PISD: variants seen among roughly 807,000 people sequenced by gnomAD.
PISD encodes the protein phosphatidylserine decarboxylase proenzyme, mitochondrial.
In PISD, 31 loss-of-function variants were observed where a neutral mutation model predicts 43.5. The observed-to-expected ratio is 0.71, with a 90% CI of 0.54 to 0.96. The LOEUF is 0.96. Among genes scored for constraint, PISD ranks in the 40% least tolerant of loss-of-function variants. The pLI is 0.00. For missense variants in PISD, 523 were observed against 548.4 expected (o/e 0.95, Z 0.46); for synonymous variants, 259 against 228.7 (o/e 1.13, Z -1.20).
chr22:31,644,863 G>T (rs1243553248), intron 3 of PISD, among the ~76,000 whole-genome samples: 1 of 152,136 alleles, frequency 6.6e-6, no homozygotes, highest in Non-Finnish European at 1.5e-5. Context: ...GGTGGCTCAC[G>T]CCTGTAATCC....
At chr22:31,651,999 A>AT (rs554269131) in intron 1 of PISD, among the ~76,000 whole-genome samples, 2 of 152,058 alleles carry the variant, frequency 1.3e-5, no homozygotes, top group Non-Finnish European at 2.9e-5. Flanking sequence ...GTCAATAAAC[A>AT]TTTTTTTCCT....
At chr22:31,646,571 A>G (rs1445043558) in intron 3 of PISD, among the ~76,000 whole-genome samples, 3 of 152,184 alleles carry the variant, frequency 2.0e-5, no homozygotes, top group Non-Finnish European at 4.4e-5. Context: ...AAACCTTTGA[A>G]GTGTGTGGGA....
At chr22:31,657,767 C>T (rs1483676329) in intron 1 of PISD, among the ~76,000 whole-genome samples, 1 of 151,792 alleles carries the variant, frequency 6.6e-6, no homozygotes, top group African/African-American at 2.4e-5. Context: ...GTGATCCACC[C>T]GCCTGGGCCT....
Position 31,621,126 on chromosome 22 carries a change from G to A in PISD, c.714C>T (p.Ser238=), listed in dbSNP as rs779953809. 2 of 1,614,192 alleles carry A rather than the reference G, an allele frequency of 1.2e-6. No homozygotes were observed. Among genetic ancestry groups the A allele is most frequent in the Non-Finnish European group, 1.7e-6 (2 of 1,180,034 alleles). ...CCCGGGTGACCAGCTGGTTCTTGAAGGAGTCACACGACGCGGCTGTGGAGT... is the reference window on the plus strand; with the variant it reads ...CCCGGGTGACCAGCTGGTTCTTGAAAGAGTCACACGACGCGGCTGTGGAGT... ...LPFPPAASCD[S]FKNQLVTREG... is the part of the protein sequence containing the mutation. Residue 238 remains serine, a synonymous_variant, in exon 6 of 8, where the codon TCC becomes TCT. Coordinates refer to ENST00000439502, the MANE Select transcript of PISD (RefSeq NM_001326411.2).
At chr22:31,635,093 G>A (rs927774527) in intron 3 of PISD, among the ~76,000 whole-genome samples, 1 of 152,088 alleles carries the variant, frequency 6.6e-6, no homozygotes, top group Non-Finnish European at 1.5e-5. Flanking sequence ...TTGAACCTGG[G>A]AGGTGGAGGT....
In PISD at chr22:31,621,456, C is replaced by A; in HGVS notation, c.575G>T (p.Gly192Val). The change falls in exon 5 of 8, where the codon GGA becomes GTA. Residue 192 changes from glycine (G) to valine (V), a missense_variant. Gly to Val is a moderately radical substitution (Grantham distance 109, BLOSUM62 -3). Transcript: ENST00000439502. The stretch of plus-strand genomic sequence containing the variant: ...CACCTGCCCAAAGTTGAGGATCCTT[C>A]CATCCGATGGGCTAATCTGGAAGGG... ...GLHSVISPSD[G>V]RILNFGQVKN... The A allele has an allele frequency of 6.2e-7, 1 of 1,614,130 alleles. No homozygotes were observed. Among genetic ancestry groups the A allele is most frequent in the Non-Finnish European group, 8.5e-7 (1 of 1,180,016 alleles).
At position 31,621,052 on chromosome 22, in the gene PISD, T is replaced by C. The variant is rs2072533919; in HGVS notation, c.788A>G (p.Tyr263Cys). Residue 263 changes from tyrosine to cysteine, a missense_variant, in exon 6 of 8, where the codon TAC becomes TGC. Physicochemically the swap from Tyr to Cys is radical, Grantham distance 194 (BLOSUM62 -2). Transcript: ENST00000439502. The stretch of plus-strand genomic sequence containing the variant: ...GTCGGTGGGGGAGTGGAAGCAGTGG[T>C]AGTCCCCAGGGGCCAGGTAGATGAC... Reference protein sequence around the residue: ...HCVIYLAPGDYHCFHSPTDWT... With the variant: ...HCVIYLAPGDCHCFHSPTDWT... 1 of 1,613,908 alleles carries C rather than the reference T, an allele frequency of 6.2e-7. No individual in the cohort carries two copies. The highest frequency in any genetic ancestry group is 1.3e-5 in the African/African-American group (1 of 75,040).
intron 2 of PISD, among the ~76,000 whole-genome samples, chr22:31,648,653 C>G (rs909064194): frequency 6.9e-6 from 1 of 145,048 alleles, no homozygotes. Context: ...GGTAACAGAG[C>G]GAGACTCCAT....
chr22:31,635,144 C>G (rs1042939920), intron 3 of PISD, among the ~76,000 whole-genome samples: 9 of 151,798 alleles, frequency 5.9e-5, no homozygotes, highest in Non-Finnish European at 8.8e-5. Flanking sequence ...CCAGTCTGGG[C>G]AACAAGAGTA....
At chr22:31,645,927 G>C (rs958704081) in intron 3 of PISD, among the ~76,000 whole-genome samples, 4 of 150,682 alleles carry the variant, frequency 2.7e-5, no homozygotes, top group East Asian at 1.9e-4. Flanking sequence ...TCAGACTTGG[G>C]TCACATCCCC....
chr22:31,646,412 C>T (rs2073889256), intron 3 of PISD, among the ~76,000 whole-genome samples: 1 of 152,138 alleles, frequency 6.6e-6, no homozygotes, highest in South Asian at 2.1e-4. Flanking sequence ...GTTAATCAAC[C>T]CTGTCCTCTT....
chr22:31,625,671 C>A, intron 3 of PISD: 1 of 1,494,458 alleles, frequency 6.7e-7, no homozygotes, highest in Non-Finnish European at 9.1e-7. Flanking sequence ...CTTGCCGCCA[C>A]CTCTACTGCG....
At chr22:31,629,016 TA>T in intron 3 of PISD, 2 of 985,344 alleles carry the variant, frequency 2.0e-6, no homozygotes, top group Non-Finnish European at 2.4e-6. Context: ...TAGGACCGTA[TA>T]GGGGGTAGGG....
chr22:31,630,739 G>A lies in PISD; in HGVS notation c.322-8854C>T, dbSNP rs535550795. The A allele has an allele frequency of 1.0e-6, 1 of 985,440 alleles. No homozygotes were observed. Among genetic ancestry groups the A allele is most frequent in the East Asian group, 1.1e-4 (1 of 8,790 alleles). The allele number at this position is 985,440 out of a possible 1,614,324, so 61.0% of individuals were successfully genotyped here. ...CTGGCCCTCTGAGCGGGCAGGGTGG[G>A]GCGCCTCCCTGAGAAGTCACCTGGG... On this transcript the variant is annotated intron_variant, in intron 3 of 7. Coordinates refer to ENST00000439502, the MANE Select transcript of PISD (RefSeq NM_001326411.2). This position sits in a 1 kb window ranked among gnomAD's most constrained non-coding sequence, Gnocchi z 4.4.
chr22:31,635,105 G>A (rs755065736), intron 3 of PISD, among the ~76,000 whole-genome samples: 4 of 152,114 alleles, frequency 2.6e-5, no homozygotes, highest in Non-Finnish European at 4.4e-5. Context: ...GGTGGAGGTT[G>A]CAATGAATTG....
At chr22:31,621,941 C>T in intron 3 of PISD, 56 bp from the exon 4 acceptor site, 1 of 1,323,996 alleles carries the variant, frequency 7.6e-7, no homozygotes, top group Non-Finnish European at 1.1e-6. Context: ...CTCCAGAGAG[C>T]CCAAGTAGTG....
At chr22:31,652,049 T>C (rs754814400) in intron 1 of PISD, among the ~76,000 whole-genome samples, 2 of 152,224 alleles carry the variant, frequency 1.3e-5, no homozygotes, top group Non-Finnish European at 1.5e-5. Flanking sequence ...CTATTATAAA[T>C]GTTTAAATTG....
At chr22:31,645,852 A>G (rs5998064) in intron 3 of PISD, among the ~76,000 whole-genome samples, 4,407 of 143,594 alleles carry the variant, frequency 0.031, 143 homozygotes, top group Admixed American at 0.11. Context: ...GTGAGACTCC[A>G]TCTAAAAAAA....
rs1371243289 is a variant in PISD, at chr22:31,619,680, T to TG, written c.1161dup (p.Lys388GlnfsTer28). Reference sequence around the variant, plus strand: ...GTTTTCAGCTGGAAATTGAAGTCCTTGGGGGCCTCGAAGATGAGCACGATG... The same window carrying TG: ...GTTTTCAGCTGGAAATTGAAGTCCTTGGGGGGCCTCGAAGATGAGCACGATG... On this transcript the variant is annotated frameshift_variant, in exon 8 of 8. Coordinates refer to ENST00000439502, the MANE Select transcript of PISD (RefSeq NM_001326411.2). LOFTEE classifies it high-confidence loss of function. 6.2e-7 allele frequency: 1 copy of TG among 1,614,106 alleles called. No individual in the cohort carries two copies. Among genetic ancestry groups the TG allele is most frequent in the Non-Finnish European group, 8.5e-7 (1 of 1,180,044 alleles).
Sources: allele counts gnomAD v4.1 joint callset (sites outside exome capture counted in the v4.1 genomes callset), GRCh38; gene constraint gnomAD v4.1.1; non-coding constraint Gnocchi (gnomAD v3.1); transcripts MANE v1.5; gene names NCBI Gene and HGNC (gene_info 2026-07-23, HGNC 2026-07-21).